The following EIF2S2 variants were observed in gnomAD, a reference collection of about 807,000 sequenced individuals.
The protein encoded by EIF2S2 is eukaryotic translation initiation factor 2 subunit 2.
Under a neutral mutation model 44.0 loss-of-function variants are expected in EIF2S2, and 4 were observed. The observed-to-expected ratio is 0.09, with a 90% confidence interval of 0.04 to 0.21. The LOEUF (loss-of-function observed/expected upper bound fraction) is 0.21. Among genes scored for constraint, EIF2S2 ranks in the 10% least tolerant of loss-of-function variants. The pLI, the probability that EIF2S2 is intolerant of heterozygous loss-of-function variation, is 1.00. For synonymous variants in EIF2S2, 108 were observed against 128.3 expected (o/e 0.84, Z 1.07); for missense variants, 154 against 392.0 (o/e 0.39, Z 5.13).
chr20:34,106,896 A>G (rs779619714), intron 1 of EIF2S2, among the ~76,000 whole-genome samples: 1 of 152,190 alleles, frequency 6.6e-6, no homozygotes, highest in Non-Finnish European at 1.5e-5. Flanking sequence ...TAGAAAGCGC[A>G]GGAGGCTGGG....
Position 34,102,097 on chromosome 20 carries a change from G to A in EIF2S2, c.297+1365C>T, listed in dbSNP as rs183990552. Among the ~76,000 whole-genome samples, 10 of 152,208 alleles carry A rather than the reference G, an allele frequency of 6.6e-5. No individual in the cohort carries two copies. In the East Asian group the frequency reaches 1.5e-3, roughly 24 times the overall value. On this transcript the variant is annotated intron_variant, in intron 3 of 8. Coordinates refer to ENST00000374980, the MANE Select transcript of EIF2S2 (RefSeq NM_003908.5). ...TGTCCGTGCCTTGCCTGATGACCAGGATACCTCTAACATCCTCTTATGTTA... is the reference window on the plus strand; with the variant it reads ...TGTCCGTGCCTTGCCTGATGACCAGAATACCTCTAACATCCTCTTATGTTA...
chr20:34,093,637 T>A, intron 7 of EIF2S2, 38 bp downstream of exon 7: 1 of 1,525,298 alleles, frequency 6.6e-7, no homozygotes, highest in Non-Finnish European at 8.9e-7. Flanking sequence ...TTATGAAATG[T>A]CCAGCAGTAC....
intron 7 of EIF2S2, among the ~76,000 whole-genome samples, chr20:34,091,828 GCT>G (rs2034169220): frequency 6.9e-6 from 1 of 145,898 alleles, no homozygotes; most frequent in Non-Finnish European, 1.5e-5. Context: ...AGAAAGAATA[GCT>G]CTGTCTTGCG....
intron 8 of EIF2S2, among the ~76,000 whole-genome samples, chr20:34,090,116 A>G (rs748754462): frequency 2.0e-4 from 31 of 152,194 alleles, no homozygotes; most frequent in Non-Finnish European, 3.8e-4. Flanking sequence ...CTGATACTCA[A>G]TGCCCCAGGA....
chr20:34,103,416 C>T, intron 3 of EIF2S2, 46 bp downstream of exon 3: 7 of 1,499,870 alleles, frequency 4.7e-6, no homozygotes, highest in Non-Finnish European at 6.3e-6. Context: ...CCATTAGCAA[C>T]CTTGCAAGAG....
At chr20:34,112,072 C>T in intron 1 of EIF2S2, 24 bp downstream of exon 1, 3 of 1,543,846 alleles carry the variant, frequency 1.9e-6, no homozygotes, top group Non-Finnish European at 2.6e-6. Flanking sequence ...ATCCTTAGCC[C>T]TTACGCCGGG....
At chr20:34,106,296 A>T (rs1341502631) in intron 1 of EIF2S2, among the ~76,000 whole-genome samples, 1 of 152,152 alleles carries the variant, frequency 6.6e-6, no homozygotes, top group Non-Finnish European at 1.5e-5. Context: ...TGACCTGATT[A>T]AAAAAACAAA....
chr20:34,103,646 T>G (rs957862755), intron 2 of EIF2S2, 81 bp from the exon 3 acceptor site: 1 of 1,406,250 alleles, frequency 7.1e-7, no homozygotes, highest in Non-Finnish European at 9.3e-7. Flanking sequence ...GTTCAGCAAT[T>G]AATCAAGTCA....
At position 34,088,352 on chromosome 20, in the gene EIF2S2, T is replaced by C. The variant is rs2034119849; in HGVS notation, c.*1378A>G. The C allele has an allele frequency of 6.6e-6, 1 of 152,582 alleles. No individual in the cohort carries two copies. Among genetic ancestry groups the C allele is most frequent in the Non-Finnish European group, 1.5e-5 (1 of 68,032 alleles). The allele number at this position is 152,582 out of a possible 1,614,324, so 9.5% of individuals were successfully genotyped here. The stretch of plus-strand genomic sequence containing the variant: ...TCCTTGCTTTATTCATGTAGAAATA[T>C]CCAACATTGGGAATCGTGTGGGTGT... On this transcript the variant is annotated 3_prime_UTR_variant, in exon 9 of 9. Transcript: ENST00000374980.
At chr20:34,111,749 G>A (rs2034415419) in intron 1 of EIF2S2, among the ~76,000 whole-genome samples, 1 of 152,266 alleles carries the variant, frequency 6.6e-6, no homozygotes. Context: ...TGGGGCGGCA[G>A]TGCCCAGCAG....
At chr20:34,091,478 G>A (rs2122389246) in intron 7 of EIF2S2, among the ~76,000 whole-genome samples, 1 of 152,324 alleles carries the variant, frequency 6.6e-6, no homozygotes, top group South Asian at 2.1e-4. Flanking sequence ...CACTTTGGGA[G>A]GCTGAGGCGA....
intron 1 of EIF2S2, among the ~76,000 whole-genome samples, chr20:34,106,434 T>C (rs1023452034): frequency 6.6e-6 from 1 of 151,030 alleles, no homozygotes; most frequent in African/African-American, 2.5e-5. Context: ...GTTCTTTTTT[T>C]TTTTTTTTTT....
chr20:34,095,879 C>T (rs930962802), intron 6 of EIF2S2, among the ~76,000 whole-genome samples: 10 of 152,152 alleles, frequency 6.6e-5, no homozygotes, highest in African/African-American at 2.4e-4. Flanking sequence ...AGTGGATAAA[C>T]TCAGTGGTCC....
intron 1 of EIF2S2, chr20:34,108,138 T>C (rs1012853562): frequency 1.3e-5 from 2 of 152,202 alleles, no homozygotes; most frequent in East Asian, 3.8e-4. Flanking sequence ...AGAATATTAA[T>C]TGCCTTTTAA....
At chr20:34,107,028 A>G (rs1283183040) in intron 1 of EIF2S2, among the ~76,000 whole-genome samples, 1 of 152,128 alleles carries the variant, frequency 6.6e-6, no homozygotes, top group African/African-American at 2.4e-5. Flanking sequence ...AAAAATACAA[A>G]AAATTAGCAG....
At chr20:34,109,711 G>T (rs2034389875) in intron 1 of EIF2S2, among the ~76,000 whole-genome samples, 1 of 151,734 alleles carries the variant, frequency 6.6e-6, no homozygotes, top group Non-Finnish European at 1.5e-5. Flanking sequence ...GTTCTACTAG[G>T]TTGAAAATCG....
intron 6 of EIF2S2, among the ~76,000 whole-genome samples, chr20:34,095,920 G>A (rs1040499654): frequency 1.3e-5 from 2 of 152,140 alleles, no homozygotes; most frequent in African/African-American, 4.8e-5. Context: ...ATGCAGCTGA[G>A]GAGCTCAGAG....
rs1392616173 is a variant in EIF2S2, at chr20:34,103,446, A to G, written c.297+16T>C. 4 of 1,539,542 alleles carry G rather than the reference A, an allele frequency of 2.6e-6. No homozygotes were observed. Among genetic ancestry groups the G allele is most frequent in the Non-Finnish European group, 3.5e-6 (4 of 1,137,400 alleles). On this transcript the variant is annotated intron_variant, in intron 3 of 8. Coordinates refer to ENST00000374980, the MANE Select transcript of EIF2S2 (RefSeq NM_003908.5). Reference sequence around the variant, plus strand: ...CAAGAGGTCAAATTTTACCTTCAACAAGAAAGCAATACTACCTTTACACCT... The same window carrying G: ...CAAGAGGTCAAATTTTACCTTCAACGAGAAAGCAATACTACCTTTACACCT...
At chr20:34,094,298 G>A (rs190713076) in intron 6 of EIF2S2, among the ~76,000 whole-genome samples, 2 of 152,308 alleles carry the variant, frequency 1.3e-5, no homozygotes, top group Admixed American at 1.3e-4. Flanking sequence ...CGACTTCAGA[G>A]AATAACAACT....
Sources: allele counts gnomAD v4.1 joint callset (sites outside exome capture counted in the v4.1 genomes callset), GRCh38; gene constraint gnomAD v4.1.1; transcripts MANE v1.5; gene names NCBI Gene and HGNC (gene_info 2026-07-23, HGNC 2026-07-21).